The following SFI1 variants were observed in gnomAD, a reference collection of about 807,000 sequenced individuals.
The protein encoded by SFI1 is protein SFI1 homolog.
SFI1 carries 195 observed loss-of-function variants against 207.5 expected under a neutral mutation model. That is an observed-to-expected ratio of 0.94 (90% CI 0.84 to 1.06). The LOEUF is 1.06. SFI1 is among the 50% of genes least tolerant of loss of function. The pLI is 0.00. For synonymous variants in SFI1, 630 were observed against 598.9 expected (o/e 1.05, Z -0.76); for missense variants, 1,634 against 1,588.0 (o/e 1.03, Z -0.49).
At position 31,503,054 on chromosome 22, in the gene SFI1, C is replaced by CAAAAA. The variant is rs58386828; in HGVS notation, c.-30-5186_-30-5182dup. ...TGGGCAACAAAGCGAGACTCTGTCT[C>CAAAAA]AAAAAAAAAAAAAAAAAAAGGTGTA... On this transcript the variant is annotated intron_variant, in intron 1 of 32. Coordinates refer to ENST00000400288, the MANE Select transcript of SFI1 (RefSeq NM_001007467.3). 1.3e-4 allele frequency among the ~76,000 whole-genome samples: 13 copies of CAAAAA among 103,124 alleles called. No homozygotes were observed. In the East Asian group the frequency reaches 2.8e-3, roughly 22 times the overall value. The allele number at this position is 103,124 out of a possible 152,430, so 67.7% of individuals were successfully genotyped here. A position where few individuals can be genotyped will look rare whatever the true frequency, so the allele number is the denominator to read the frequency against.
In SFI1 at chr22:31,601,116, T is replaced by C. The variant is rs1164158109; in HGVS notation, c.1545-1096T>C. 2.1e-5 allele frequency among the ~76,000 whole-genome samples: 3 copies of C among 145,864 alleles called. No individual in the cohort carries two copies. The East Asian group carries it at 6.2e-4, about 30-fold the overall frequency. Reference sequence around the variant, plus strand: ...CAAAACAGTGGTTCCCAAACCTTTTTACTTTTCTTTACTTTTTTTTTTTTT... The same window carrying C: ...CAAAACAGTGGTTCCCAAACCTTTTCACTTTTCTTTACTTTTTTTTTTTTT... On this transcript the variant is annotated intron_variant, in intron 15 of 32. Transcript: ENST00000400288.
intron 7 of SFI1, 75 bp downstream of exon 7, chr22:31,557,134 C>A: frequency 1.2e-6 from 1 of 850,204 alleles, no homozygotes; most frequent in Non-Finnish European, 1.8e-6. Flanking sequence ...TGGAAAACAG[C>A]ATAAAACCTC....
Position 31,611,832 on chromosome 22 carries a change from A to G in SFI1, c.2482A>G (p.Arg828Gly). The G allele has an allele frequency of 1.2e-6, 2 of 1,613,918 alleles. No homozygotes were observed. Among genetic ancestry groups the G allele is most frequent in the Admixed American group, 1.7e-5 (1 of 60,020 alleles). ...RLSRTCFRQW[R>G]QQLAARRQEQ... ...CAGCCGGACCTGCTTCCGCCAGTGG[A>G]GACAACAGGTGGGAACCCAGGAGAT... The change falls in exon 24 of 33, where the codon AGA becomes GGA. Residue 828 changes from arginine (R) to glycine (G), a missense_variant. Arg to Gly is a moderately radical substitution (Grantham distance 125). Coordinates refer to ENST00000400288, the MANE Select transcript of SFI1 (RefSeq NM_001007467.3).
intron 27 of SFI1, chr22:31,614,506 TC>T (rs1679202096): frequency 1.6e-6 from 1 of 628,338 alleles, no homozygotes; most frequent in Non-Finnish European, 3.0e-6. Flanking sequence ...CAGAGGCTGC[TC>T]CCCTGTGACA....
chr22:31,613,064 G>A (rs2070663471), intron 24 of SFI1, 78 bp from the exon 25 acceptor site: 6 of 1,497,208 alleles, frequency 4.0e-6, no homozygotes, highest in African/African-American at 2.7e-5. Context: ...CAAGAGGGAC[G>A]AGCTGGGCAG....
intron 6 of SFI1, among the ~76,000 whole-genome samples, chr22:31,553,529 ATTTTTTT>A (rs71202096): frequency 2.4e-5 from 2 of 82,652 alleles, no homozygotes; most frequent in South Asian, 4.1e-4. Flanking sequence ...TAATTTTTGT[ATTTTTTT>A]TTTTTTTTTT....
Position 31,601,042 on chromosome 22 carries a change from G to A in SFI1, c.1545-1170G>A, listed in dbSNP as rs577263552. On this transcript the variant is annotated intron_variant, in intron 15 of 32. Coordinates refer to ENST00000400288, the MANE Select transcript of SFI1 (RefSeq NM_001007467.3). ...GGTCAATTGTCCCAGCACTGCTGCT[G>A]CAGGATTTGATGTTGTTAATGGTGA... 6.6e-5 allele frequency among the ~76,000 whole-genome samples: 10 copies of A among 152,142 alleles called. No homozygotes were observed. In the East Asian group the frequency reaches 1.9e-3, roughly 29 times the overall value.
chr22:31,586,327 C>T (rs2065024532), intron 14 of SFI1, among the ~76,000 whole-genome samples: 1 of 152,218 alleles, frequency 6.6e-6, no homozygotes, highest in Non-Finnish European at 1.5e-5. Flanking sequence ...TTCTCTTTCC[C>T]CACAGGCTGT....
At chr22:31,573,314 A>G in intron 9 of SFI1, 100 bp downstream of exon 9, 1 of 1,290,456 alleles carries the variant, frequency 7.7e-7, no homozygotes, top group Non-Finnish European at 1.0e-6. Context: ...TAATGGTGCT[A>G]CTCCAGAAAT....
intron 2 of SFI1, 46 bp from the exon 3 acceptor site, chr22:31,528,644 G>A (rs2058168915): frequency 1.9e-6 from 3 of 1,555,362 alleles, no homozygotes; most frequent in Admixed American, 1.8e-5. Flanking sequence ...ATCACATGCA[G>A]AGATAACTTT....
chr22:31,547,850 TC>T (rs1171292975), intron 5 of SFI1, among the ~76,000 whole-genome samples: 2 of 150,786 alleles, frequency 1.3e-5, no homozygotes, highest in Non-Finnish European at 3.0e-5. Context: ...CCTCAGGTGA[TC>T]CTGCCACCTT....
intron 8 of SFI1, among the ~76,000 whole-genome samples, chr22:31,568,171 G>A (rs2062535030): frequency 1.7e-5 from 2 of 118,852 alleles, no homozygotes; most frequent in African/African-American, 6.6e-5. Flanking sequence ...ATATATGTGT[G>A]TGTGTGTGTG....
chr22:31,528,599 CTGTTTAATTT>C, intron 2 of SFI1, 81 bp from the exon 3 acceptor site: 1 of 1,138,206 alleles, frequency 8.8e-7, no homozygotes. Context: ...ATGAGCTTAT[CTGTTTAATTT>C]TGCTTGTATA....
intron 2 of SFI1, among the ~76,000 whole-genome samples, chr22:31,524,909 C>T (rs2147190867): frequency 6.6e-6 from 1 of 152,202 alleles, no homozygotes; most frequent in South Asian, 2.1e-4. Flanking sequence ...ATTCTCCTGC[C>T]TCAGCCTCCC....
At position 31,502,359 on chromosome 22, in the gene SFI1, G is replaced by A. The variant is rs934190547; in HGVS notation, c.-31+5722G>A. On this transcript the variant is annotated intron_variant, in intron 1 of 32. Coordinates refer to ENST00000400288, the MANE Select transcript of SFI1 (RefSeq NM_001007467.3). ...CTGTACTTAGTTCTAGATGAGGCTG[G>A]ATGATATTCAGGTTCAATTTTTTTT... is the stretch of plus-strand genomic sequence containing the variant. Among the ~76,000 whole-genome samples, 4 of 151,876 alleles carry A rather than the reference G, an allele frequency of 2.6e-5. No homozygotes were observed. The South Asian group carries it at 6.2e-4, about 24-fold the overall frequency.
chr22:31,535,948 C>G (rs916858018), intron 4 of SFI1, among the ~76,000 whole-genome samples: 1 of 152,114 alleles, frequency 6.6e-6, no homozygotes, highest in African/African-American at 2.4e-5. Flanking sequence ...TTAAGTTTTA[C>G]TAATTTCATA....
rs1314871694 is a variant in SFI1 at position 31,504,078 on chromosome 22, T to C, written c.-30-4177T>C. Among the ~76,000 whole-genome samples, 7 of 152,256 alleles carry C rather than the reference T, an allele frequency of 4.6e-5. No homozygotes were observed. The East Asian group carries it at 7.7e-4, about 17-fold the overall frequency. ...TGGAGAGAAGATCAGATGTGATTCC[T>C]GTTTCCATGGAATTTATATTTTAGT... On this transcript the variant is annotated intron_variant, in intron 1 of 32. Transcript: ENST00000400288.
At chr22:31,500,151 TCTA>T (rs993645548) in intron 1 of SFI1, among the ~76,000 whole-genome samples, 1 of 138,066 alleles carries the variant, frequency 7.2e-6, no homozygotes, top group African/African-American at 2.5e-5. Flanking sequence ...AAACCCTGAC[TCTA>T]CTAAGAATAT....
chr22:31,560,505 G>A (rs571565365), intron 7 of SFI1, among the ~76,000 whole-genome samples: 8 of 146,982 alleles, frequency 5.4e-5, no homozygotes, highest in Non-Finnish European at 1.2e-4. Flanking sequence ...GGGTTCAAGA[G>A]ATTCTCCTGC....
Sources: gnomAD v4.1 joint callset for allele counts (sites outside exome capture counted in the v4.1 genomes callset) on GRCh38, gnomAD v4.1.1 for gene constraint, MANE v1.5 for transcripts, NCBI Gene and HGNC (gene_info 2026-07-23, HGNC 2026-07-21) for gene names.